LINGO2: variants seen among roughly 807,000 people sequenced by gnomAD.
LINGO2 encodes the protein leucine rich repeat and Ig domain containing 2.
Under a neutral mutation model 30.6 loss-of-function variants are expected in LINGO2, and 14 were observed. The observed-to-expected ratio is 0.46, with a 90% CI of 0.30 to 0.72. The LOEUF (loss-of-function observed/expected upper bound fraction) is 0.72, where lower values mean the gene tolerates loss of function less well. LINGO2 is among the 30% of genes least tolerant of loss of function. The pLI is 0.07. For synonymous variants in LINGO2, 317 were observed against 288.5 expected (o/e 1.10, Z -1.00); for missense variants, 729 against 751.7 (o/e 0.97, Z 0.35).
chr9:29,013,331 T>A, the LINGO2 span, among the ~76,000 whole-genome samples: 1 of 152,094 alleles, frequency 6.6e-6, no homozygotes, highest in African/African-American at 2.4e-5. Context: ...AGTACCTTAC[T>A]CACTTTTCAG....
At chr9:28,629,571 A>T (rs577626671) in intron 1 of LINGO2, among the ~76,000 whole-genome samples, 1 of 152,086 alleles carries the variant, frequency 6.6e-6, no homozygotes, top group South Asian at 2.1e-4. Context: ...AGCCAAATAC[A>T]TACTAAAAAT....
chr9:28,301,417 G>A (rs1378720208), intron 3 of LINGO2, among the ~76,000 whole-genome samples: 1 of 151,768 alleles, frequency 6.6e-6, no homozygotes, highest in East Asian at 1.9e-4. Context: ...CCTTTCTAGT[G>A]GGGAAAAAAC....
At chr9:28,030,580 T>A (rs1823618311) in intron 4 of LINGO2, among the ~76,000 whole-genome samples, 1 of 152,348 alleles carries the variant, frequency 6.6e-6, no homozygotes, top group Non-Finnish European at 1.5e-5. Context: ...GGCTACTCAA[T>A]GCTTTAAGTA....
chr9:28,877,011 C>A, the LINGO2 span, among the ~76,000 whole-genome samples: 2 of 151,882 alleles, frequency 1.3e-5, no homozygotes, highest in South Asian at 2.1e-4. Context: ...GTGATGGTAA[C>A]CATTTTTTCA....
the LINGO2 span, among the ~76,000 whole-genome samples, chr9:28,690,139 G>T: frequency 2.0e-5 from 3 of 152,068 alleles, no homozygotes; most frequent in Admixed American, 6.6e-5. Flanking sequence ...TTAATACCTA[G>T]GTGATGAGAT....
intron 2 of LINGO2, among the ~76,000 whole-genome samples, chr9:28,458,922 G>A (rs912475760): frequency 6.6e-6 from 1 of 152,106 alleles, no homozygotes; most frequent in African/African-American, 2.4e-5. Flanking sequence ...GCCTATCCTT[G>A]TAGGATTTGA....
the LINGO2 span, among the ~76,000 whole-genome samples, chr9:29,032,232 T>G: frequency 6.6e-6 from 1 of 152,172 alleles, no homozygotes; most frequent in Admixed American, 6.5e-5. Flanking sequence ...TATTTCTAAA[T>G]TGAAGACAAA....
At chr9:28,880,731 A>T in the LINGO2 span, among the ~76,000 whole-genome samples, 1 of 140,232 alleles carries the variant, frequency 7.1e-6, no homozygotes, top group Non-Finnish European at 1.6e-5. Context: ...TGCCCCTGGG[A>T]ACTGAATGTC....
intron 1 of LINGO2, among the ~76,000 whole-genome samples, chr9:28,539,873 TA>T (rs2135457105): frequency 6.6e-6 from 1 of 152,248 alleles, no homozygotes; most frequent in African/African-American, 2.4e-5. Context: ...GCTGTAAAAT[TA>T]GTCTATGTTC....
chr9:28,019,766 ATAT>A (rs1257710317), intron 4 of LINGO2, among the ~76,000 whole-genome samples: 2 of 152,112 alleles, frequency 1.3e-5, no homozygotes, highest in African/African-American at 4.8e-5. Flanking sequence ...ATGTGTGTAT[ATAT>A]TATATTGCTT....
chr9:28,790,491 G>T, the LINGO2 span, among the ~76,000 whole-genome samples: 4 of 146,054 alleles, frequency 2.7e-5, no homozygotes, highest in Non-Finnish European at 4.5e-5. Context: ...ACCACGCCCG[G>T]CTAATTTTTT....
intron 4 of LINGO2, among the ~76,000 whole-genome samples, chr9:28,093,690 T>C (rs1295396192): frequency 6.6e-6 from 1 of 152,082 alleles, no homozygotes; most frequent in Non-Finnish European, 1.5e-5. Flanking sequence ...GAAGATGCAG[T>C]GTGCTGCTAG....
chr9:28,632,310 A>T (rs1017810069), intron 1 of LINGO2, among the ~76,000 whole-genome samples: 1 of 152,094 alleles, frequency 6.6e-6, no homozygotes, highest in African/African-American at 2.4e-5. Context: ...ATGACCACAC[A>T]CAAACACACA....
the LINGO2 span, among the ~76,000 whole-genome samples, chr9:28,815,606 G>T: frequency 6.6e-6 from 1 of 152,128 alleles, no homozygotes; most frequent in South Asian, 2.1e-4. Flanking sequence ...TTCTCAGAAA[G>T]ATCTTTTACT....
At chr9:28,544,344 G>A (rs1821837640) in intron 1 of LINGO2, among the ~76,000 whole-genome samples, 1 of 152,080 alleles carries the variant, frequency 6.6e-6, no homozygotes, top group South Asian at 2.1e-4. Context: ...TACTGTATCT[G>A]GAAATCATAC....
At chr9:29,158,789 A>C in the LINGO2 span, among the ~76,000 whole-genome samples, 1 of 151,968 alleles carries the variant, frequency 6.6e-6, no homozygotes, top group African/African-American at 2.4e-5. Flanking sequence ...AGAGAGAGAG[A>C]AAGAGAGAGC....
the LINGO2 span, among the ~76,000 whole-genome samples, chr9:28,760,912 G>A: frequency 2.5e-3 from 94 of 37,922 alleles, 1 homozygote; most frequent in African/African-American, 5.5e-3. Flanking sequence ...ATGTATATAC[G>A]TACGTGTGTG....
intron 4 of LINGO2, among the ~76,000 whole-genome samples, chr9:28,170,352 T>G (rs956563131): frequency 6.6e-6 from 1 of 152,132 alleles, no homozygotes; most frequent in African/African-American, 2.4e-5. Flanking sequence ...AGAAACAGCT[T>G]CCACCGGCAT....
At chr9:28,073,229 T>C (rs1183452059) in intron 4 of LINGO2, among the ~76,000 whole-genome samples, 1 of 152,024 alleles carries the variant, frequency 6.6e-6, no homozygotes, top group Non-Finnish European at 1.5e-5. Context: ...AAACTTATCA[T>C]TAGTTAAGGC....
Sources: allele counts gnomAD v4.1 joint callset (sites outside exome capture counted in the v4.1 genomes callset), GRCh38; gene constraint gnomAD v4.1.1; transcripts MANE v1.5; gene names NCBI Gene and HGNC (gene_info 2026-07-23, HGNC 2026-07-21).